PCDHGA5: variants seen among roughly 807,000 people sequenced by gnomAD.
PCDHGA5 encodes the protein protocadherin gamma-A5.
A neutral mutation model predicts 56.7 loss-of-function variants in PCDHGA5; 36 were observed. The ratio of observed to expected loss-of-function variants is 0.64; its 90% CI spans 0.49 to 0.84. The LOEUF is 0.84. PCDHGA5 is among the 40% of genes least tolerant of loss of function. The pLI, the probability that PCDHGA5 is intolerant of heterozygous loss-of-function variation, is 0.00. For missense variants in PCDHGA5, 1,305 were observed against 1,201.5 expected (o/e 1.09, Z -1.27); for synonymous variants, 563 against 520.2 (o/e 1.08, Z -1.12).
intron 1 of PCDHGA5, chr5:141,390,142 G>A (rs2092062384): frequency 6.2e-6 from 10 of 1,614,022 alleles, no homozygotes; most frequent in Non-Finnish European, 8.5e-6. Flanking sequence ...TACAATCTAT[G>A]TGTTGCACAT....
intron 1 of PCDHGA5, among the ~76,000 whole-genome samples, chr5:141,464,921 G>A (rs1562002597): frequency 6.6e-6 from 1 of 151,106 alleles, no homozygotes; most frequent in Non-Finnish European, 1.5e-5. Flanking sequence ...TTATTTTTTT[G>A]TAGAGATGTG....
At chr5:141,400,294 T>TTGCC (rs1347415154) in intron 1 of PCDHGA5, 1 of 1,614,070 alleles carries the variant, frequency 6.2e-7, no homozygotes, top group African/African-American at 1.3e-5. Context: ...CTGGAGCTGC[T>TTGCC]TCCAACCTGG....
intron 1 of PCDHGA5, chr5:141,410,439 G>C: frequency 6.2e-7 from 1 of 1,614,008 alleles, no homozygotes; most frequent in Non-Finnish European, 8.5e-7. Context: ...TACAGTGAGG[G>C]GACTTTGCCT....
At chr5:141,481,531 G>A (rs1342825952) in intron 1 of PCDHGA5, among the ~76,000 whole-genome samples, 2 of 152,206 alleles carry the variant, frequency 1.3e-5, no homozygotes, top group African/African-American at 4.8e-5. Context: ...AAAATCTAGA[G>A]ATGGGGCTGG....
At position 141,477,263 on chromosome 5, in the gene PCDHGA5, G is replaced by C. The variant is rs543767777; in HGVS notation, c.2422-17544G>C. ...CAGTGTGACTGACCTGGATGCTGGC[G>C]AGAACGGGCTGGTGACCTGCGAAGT... On this transcript the variant is annotated intron_variant, in intron 1 of 3. Coordinates refer to ENST00000518069, the MANE Select transcript of PCDHGA5 (RefSeq NM_018918.3). The surrounding 1 kb of genome is among the most constrained non-coding windows in gnomAD (Gnocchi z 4.9). The C allele has an allele frequency of 6.2e-7, 1 of 1,614,192 alleles. No individual in the cohort carries two copies. The highest frequency in any genetic ancestry group is 1.3e-5 in the African/African-American group (1 of 75,058).
rs772637812 is a variant in PCDHGA5 at position 141,408,685 on chromosome 5, TATAAAC to T, written c.2421+41941_2421+41946del. On this transcript the variant is annotated intron_variant, in intron 1 of 3. Transcript: ENST00000518069. ...CGCTTGACCCTGCCACGGATCCTGA[TATAAAC>T]ATAAACTCAATTAAAGATTATAAGA... 8 of 1,613,994 alleles carry T rather than the reference TATAAAC, an allele frequency of 5.0e-6. No individual in the cohort carries two copies. The Admixed American group carries it at 1.0e-4, about 20-fold the overall frequency.
chr5:141,487,718 A>G lies in PCDHGA5; in HGVS notation c.2422-7089A>G. Reference sequence around the variant, plus strand: ...TACTGGCCTCTCAGTAAGTGCCCATAGTGATGTCACCATTTTTGTAAGAGG... The same window carrying G: ...TACTGGCCTCTCAGTAAGTGCCCATGGTGATGTCACCATTTTTGTAAGAGG... On this transcript the variant is annotated intron_variant, in intron 1 of 3. Coordinates refer to ENST00000518069, the MANE Select transcript of PCDHGA5 (RefSeq NM_018918.3). The surrounding 1 kb of genome is among the most constrained non-coding windows in gnomAD (Gnocchi z 5.0). The G allele has an allele frequency of 1.3e-6, 2 of 1,580,268 alleles. No individual in the cohort carries two copies. The highest frequency in any genetic ancestry group is 1.7e-6 in the Non-Finnish European group (2 of 1,161,186).
chr5:141,375,992 G>A (rs1277276450), intron 1 of PCDHGA5: 9 of 1,613,328 alleles, frequency 5.6e-6, no homozygotes, highest in Admixed American at 1.7e-5. Flanking sequence ...GGACAGAGAC[G>A]CGCTCAAGCA....
In PCDHGA5 at chr5:141,490,309, A is replaced by G. The variant is rs1485303337; in HGVS notation, c.2422-4498A>G. On this transcript the variant is annotated intron_variant, in intron 1 of 3. Transcript: ENST00000518069. The surrounding 1 kb of genome is among the most constrained non-coding windows in gnomAD (Gnocchi z 5.4). ...AGAGGTGCTATTGGCCTCTTTGGCCAACCCTGTCCTAGAGAGCACACCAGT... is the reference window on the plus strand; with the variant it reads ...AGAGGTGCTATTGGCCTCTTTGGCCGACCCTGTCCTAGAGAGCACACCAGT... The G allele has an allele frequency of 2.8e-5, 46 of 1,614,126 alleles. No homozygotes were observed. Among genetic ancestry groups the G allele is most frequent in the Non-Finnish European group, 3.8e-5 (45 of 1,180,056 alleles).
intron 1 of PCDHGA5, chr5:141,419,377 C>T: frequency 6.2e-6 from 10 of 1,613,690 alleles, no homozygotes; most frequent in Admixed American, 3.3e-5. Flanking sequence ...CCTACGTGTC[C>T]GTGAGCGCGC....
At chr5:141,394,637 G>C (rs201732776) in intron 1 of PCDHGA5, 4 of 1,613,464 alleles carry the variant, frequency 2.5e-6, no homozygotes, top group African/African-American at 1.3e-5. Flanking sequence ...CCTACCGCCT[G>C]CTCAAGGCCA....
At position 141,476,001 on chromosome 5, in the gene PCDHGA5, C is replaced by A. The variant is rs989369008; in HGVS notation, c.2422-18806C>A. On this transcript the variant is annotated intron_variant, in intron 1 of 3. Coordinates refer to ENST00000518069, the MANE Select transcript of PCDHGA5 (RefSeq NM_018918.3). This position sits in a 1 kb window ranked among gnomAD's most constrained non-coding sequence, Gnocchi z 7.6. ...CAGCCGGCGAGCAAATCAACGGCAT[C>A]CAGAAAGCCATGTCGGACTCGGCGC... The A allele has an allele frequency of 5.7e-5, 70 of 1,235,226 alleles. No homozygotes were observed. In the Middle Eastern group the frequency reaches 8.6e-4, roughly 15 times the overall value. The allele number at this position is 1,235,226 out of a possible 1,614,324, so 76.5% of individuals were successfully genotyped here. A position where few individuals can be genotyped will look rare whatever the true frequency, so the allele number is the denominator to read the frequency against.
intron 1 of PCDHGA5, among the ~76,000 whole-genome samples, chr5:141,454,658 G>T (rs961640658): frequency 1.3e-5 from 2 of 151,812 alleles, no homozygotes; most frequent in Non-Finnish European, 2.9e-5. Flanking sequence ...TGCCCACCTC[G>T]GCCTCCCAAA....
rs1282403944 is a variant in PCDHGA5 at position 141,485,452 on chromosome 5, G to A, written c.2422-9355G>A. ...TCATCAAGAACCCAATCGACCGAGA[G>A]GCACTGTGTGGGCTCAGTGCCAGCT... On this transcript the variant is annotated intron_variant, in intron 1 of 3. Transcript: ENST00000518069. The surrounding 1 kb of genome is among the most constrained non-coding windows in gnomAD (Gnocchi z 5.7). 2.5e-6 allele frequency: 4 copies of A among 1,614,054 alleles called. No individual in the cohort carries two copies. Among genetic ancestry groups the A allele is most frequent in the East Asian group, 4.5e-5 (2 of 44,884 alleles).
chr5:141,421,455 C>A (rs762490406), intron 1 of PCDHGA5: 1 of 1,614,108 alleles, frequency 6.2e-7, no homozygotes, highest in South Asian at 1.1e-5. Flanking sequence ...CACAGCTTTT[C>A]GCTGTGAATC....
At position 141,477,706 on chromosome 5, in the gene PCDHGA5, G is replaced by A. The variant is rs1490514142; in HGVS notation, c.2422-17101G>A. 6 of 1,613,988 alleles carry A rather than the reference G, an allele frequency of 3.7e-6. No homozygotes were observed. Among genetic ancestry groups the A allele is most frequent in the Non-Finnish European group, 5.1e-6 (6 of 1,180,044 alleles). ...TAGTGCCCCTAGACTATGAGGATCGGCGGGAATTTGAATTAACAGCTCATA... is the reference window on the plus strand; with the variant it reads ...TAGTGCCCCTAGACTATGAGGATCGACGGGAATTTGAATTAACAGCTCATA... On this transcript the variant is annotated intron_variant, in intron 1 of 3. Transcript: ENST00000518069. This position sits in a 1 kb window ranked among gnomAD's most constrained non-coding sequence, Gnocchi z 4.9.
chr5:141,417,910 A>G (rs1339671115), intron 1 of PCDHGA5: 2 of 1,599,246 alleles, frequency 1.3e-6, no homozygotes, highest in East Asian at 2.3e-5. Flanking sequence ...GGCAGGTACT[A>G]TTTCCTTTGC....
At chr5:141,427,164 C>T (rs1171285271) in intron 1 of PCDHGA5, 1 of 456,682 alleles carries the variant, frequency 2.2e-6, no homozygotes, top group Non-Finnish European at 4.4e-6. Context: ...TGTGCTAGAC[C>T]ATCAAAATGG....
Position 141,370,983 on chromosome 5 carries a change from A to G in PCDHGA5, c.2421+4232A>G, listed in dbSNP as rs200655179. Reference sequence around the variant, plus strand: ...CAGTAGGTACCCAGAGCTAGTACTGAAAGCACCCCTGGACAGGGAAGAGCA... The same window carrying G: ...CAGTAGGTACCCAGAGCTAGTACTGGAAGCACCCCTGGACAGGGAAGAGCA... On this transcript the variant is annotated intron_variant, in intron 1 of 3. Coordinates refer to ENST00000518069, the MANE Select transcript of PCDHGA5 (RefSeq NM_018918.3). 112 of 1,613,998 alleles carry G rather than the reference A, an allele frequency of 6.9e-5. No homozygotes were observed. In the African/African-American group the frequency reaches 1.3e-3, roughly 19 times the overall value.
Sources: allele counts gnomAD v4.1 joint callset (sites outside exome capture counted in the v4.1 genomes callset), GRCh38; gene constraint gnomAD v4.1.1; non-coding constraint Gnocchi (gnomAD v3.1); transcripts MANE v1.5; gene names NCBI Gene and HGNC (gene_info 2026-07-23, HGNC 2026-07-21).